Variants in ANK3 observed in about 807,000 individuals in gnomAD.
ANK3 encodes the protein ankyrin 3.
Under a neutral mutation model 370.9 loss-of-function variants are expected in ANK3, and 57 were observed. That is an observed-to-expected ratio of 0.15 (90% CI 0.12 to 0.19). The LOEUF (loss-of-function observed/expected upper bound fraction) is 0.19, where lower values mean the gene tolerates loss of function less well. ANK3 is among the 10% of genes least tolerant of loss of function. The pLI is 1.00. For synonymous variants in ANK3, 1,929 were observed against 1,946.3 expected (o/e 0.99, Z 0.23); for missense variants, 4,439 against 5,302.1 (o/e 0.84, Z 5.06).
intron 1 of ANK3, among the ~76,000 whole-genome samples, chr10:60,659,956 T>C (rs1466156459): frequency 6.6e-6 from 1 of 152,148 alleles, no homozygotes; most frequent in Admixed American, 6.5e-5. Context: ...ACTAATATGA[T>C]CAGTAATCTG....
chr10:60,367,775 G>C (rs568976779), intron 1 of ANK3, among the ~76,000 whole-genome samples: 1 of 152,200 alleles, frequency 6.6e-6, no homozygotes, highest in Non-Finnish European at 1.5e-5. Flanking sequence ...TGACATTTAA[G>C]TATAAAAGGC....
At position 60,185,776 on chromosome 10, in the gene ANK3, T is replaced by C. The variant is rs565944387; in HGVS notation, c.2085+939A>G. The stretch of plus-strand genomic sequence containing the variant: ...GTCTTGTGTTTTGGGTCAATCTTAA[T>C]GAGCAATTCAGCAAACCTAAATTTG... On this transcript the variant is annotated intron_variant, in intron 17 of 43. Coordinates refer to ENST00000280772, the MANE Select transcript of ANK3 (RefSeq NM_020987.5). 3.5e-4 allele frequency among the ~76,000 whole-genome samples: 54 copies of C among 152,306 alleles called. 1 individual carries two copies. The South Asian group carries it at 0.011, about 30-fold the overall frequency.
chr10:60,547,680 G>C (rs76834346), intron 2 of ANK3, among the ~76,000 whole-genome samples: 2 of 151,880 alleles, frequency 1.3e-5, no homozygotes, highest in Admixed American at 1.3e-4. Context: ...GACAGAGAGA[G>C]AGAGACAGAG....
At chr10:60,182,934 G>A (rs2096238752) in intron 17 of ANK3, among the ~76,000 whole-genome samples, 1 of 152,212 alleles carries the variant, frequency 6.6e-6, no homozygotes, top group Non-Finnish European at 1.5e-5. Flanking sequence ...TCCTTCAGAG[G>A]AAATAATATT....
chr10:60,314,943 T>A (rs368039147), intron 1 of ANK3, among the ~76,000 whole-genome samples: 1 of 152,240 alleles, frequency 6.6e-6, no homozygotes, highest in Admixed American at 6.5e-5. Context: ...TGATTTTAAG[T>A]CTAAAGGTAA....
At chr10:60,113,088 C>T (rs996735957) in intron 26 of ANK3, among the ~76,000 whole-genome samples, 55 of 152,138 alleles carry the variant, frequency 3.6e-4, no homozygotes, top group African/African-American at 1.3e-3. Flanking sequence ...GAAGCAGGTC[C>T]CCTTTTAGCC....
chr10:60,705,424 A>G (rs1376697256), intron 1 of ANK3, among the ~76,000 whole-genome samples: 3 of 152,200 alleles, frequency 2.0e-5, no homozygotes, highest in Admixed American at 2.0e-4. Flanking sequence ...TGAGTATCCA[A>G]TGAAGTAGGT....
At chr10:60,258,308 C>G (rs2097763772) in intron 7 of ANK3, among the ~76,000 whole-genome samples, 1 of 152,154 alleles carries the variant, frequency 6.6e-6, no homozygotes, top group Admixed American at 6.5e-5. Flanking sequence ...TGCAGCAGAC[C>G]CATGAGCCTG....
intron 2 of ANK3, among the ~76,000 whole-genome samples, chr10:60,433,434 A>G (rs1312847276): frequency 6.6e-6 from 1 of 152,148 alleles, no homozygotes; most frequent in African/African-American, 2.4e-5. Context: ...TACTAAAAAT[A>G]TAAAAATTAG....
chr10:60,394,648 G>GCA, upstream of ANK3, among the ~76,000 whole-genome samples: 1 of 152,178 alleles, frequency 6.6e-6, no homozygotes, highest in East Asian at 1.9e-4. Flanking sequence ...ATCCTCCGTT[G>GCA]CACACAGAAG....
intron 2 of ANK3, among the ~76,000 whole-genome samples, chr10:60,519,358 G>T (rs1265839042): frequency 1.3e-5 from 2 of 152,070 alleles, no homozygotes; most frequent in East Asian, 3.9e-4. Flanking sequence ...CCATGTTCAG[G>T]CAAAATCCCT....
In ANK3 at chr10:60,464,094, C is replaced by T. The variant is rs117099644; in HGVS notation, c.96+151092G>A. 9.4e-3 allele frequency among the ~76,000 whole-genome samples: 1,437 copies of T among 152,190 alleles called. 16 individuals carry two copies. The highest frequency in any genetic ancestry group is 0.014 in the Non-Finnish European group (943 of 68,014). ...TCTATGTGGGTACTATAGGTATATA[C>T]AGTAAAGAAGAAACAGCTCTAAGTC... On this transcript the variant is annotated intron_variant, in intron 2 of 43. Coordinates refer to the ANK3 transcript ENST00000373827.
At position 60,601,317 on chromosome 10, in the gene ANK3, A is replaced by G. The variant is rs552263416; in HGVS notation, c.96+13869T>C. 2.4e-4 allele frequency among the ~76,000 whole-genome samples: 34 copies of G among 140,476 alleles called. No individual in the cohort carries two copies. The East Asian group carries it at 5.5e-3, about 23-fold the overall frequency. 92.2% of individuals were successfully genotyped at this position (140,476 alleles called of 152,430 possible). A position where few individuals can be genotyped will look rare whatever the true frequency, so the allele number is the denominator to read the frequency against. ...AAAAAGTAGAGTATGGAAAGAGAGA[A>G]AAAAAAAAAGTTATAACGCAAAACA... On this transcript the variant is annotated intron_variant, in intron 2 of 43. Transcript: ENST00000373827.
Position 60,073,750 on chromosome 10 carries a change from T to A in ANK3, c.7131A>T (p.Pro2377=). 2 of 1,613,966 alleles carry A rather than the reference T, an allele frequency of 1.2e-6. No homozygotes were observed. Among genetic ancestry groups the A allele is most frequent in the Non-Finnish European group, 1.7e-6 (2 of 1,180,008 alleles). Residue 2377 remains proline (P), a synonymous_variant, in exon 37 of 44, where the codon CCA becomes CCT. Transcript: ENST00000280772. ...RGDINLKDFL[P]EKHDAFPCSE... is the part of the protein sequence containing the mutation. ...AACAAGGAAAAGCATCGTGTTTTTC[T>A]GGCAGAAAATCTTTTAGGTTAATAT... is the stretch of plus-strand genomic sequence containing the variant.
At chr10:60,120,709 A>T (rs2093416080) in intron 25 of ANK3, among the ~76,000 whole-genome samples, 2 of 152,358 alleles carry the variant, frequency 1.3e-5, no homozygotes, top group South Asian at 4.1e-4. Flanking sequence ...GCAAACCGGT[A>T]TGTGAAAAAG....
chr10:60,273,756 G>A (rs1219041917), intron 4 of ANK3, among the ~76,000 whole-genome samples: 1 of 152,172 alleles, frequency 6.6e-6, no homozygotes, highest in Non-Finnish European at 1.5e-5. Flanking sequence ...CCCCCACACT[G>A]TTCTTGTGGT....
intron 1 of ANK3, among the ~76,000 whole-genome samples, chr10:60,374,285 C>A (rs569476422): frequency 9.2e-5 from 14 of 152,228 alleles, no homozygotes; most frequent in African/African-American, 3.4e-4. Context: ...CATCAGATGT[C>A]TTCAGAAAAA....
intron 1 of ANK3, among the ~76,000 whole-genome samples, chr10:60,715,984 G>T (rs1440032086): frequency 6.6e-6 from 1 of 152,148 alleles, no homozygotes; most frequent in Non-Finnish European, 1.5e-5. Flanking sequence ...TCAAGTGGAT[G>T]CCTTTCAGGT....
intron 25 of ANK3, among the ~76,000 whole-genome samples, chr10:60,132,224 A>G (rs775446274): frequency 3.3e-5 from 5 of 152,114 alleles, no homozygotes; most frequent in Admixed American, 1.3e-4. Context: ...GCTAATACCC[A>G]TTTAAAACCC....
Sources: allele counts gnomAD v4.1 joint callset (sites outside exome capture counted in the v4.1 genomes callset), GRCh38; gene constraint gnomAD v4.1.1; transcripts MANE v1.5; gene names NCBI Gene and HGNC (gene_info 2026-07-23, HGNC 2026-07-21).